TRAF3: variants seen among roughly 807,000 people sequenced by gnomAD.
TRAF3 encodes TNF receptor associated factor 3.
A neutral mutation model predicts 62.3 loss-of-function variants in TRAF3; 13 were observed. That is an observed-to-expected ratio of 0.21 (90% CI 0.14 to 0.33). The LOEUF (loss-of-function observed/expected upper bound fraction) is 0.33, where lower values mean the gene tolerates loss of function less well. Among genes scored for constraint, TRAF3 ranks in the 10% least tolerant of loss-of-function variants. TRAF3 has a pLI of 1.00. For missense variants in TRAF3, 440 were observed against 741.8 expected, an observed-to-expected ratio of 0.59 and a Z score of 4.73; for synonymous variants, 269 against 283.4, an observed-to-expected ratio of 0.95 and a Z score of 0.51.
chr14:102,848,384 A>T (rs1194524165), intron 2 of TRAF3, among the ~76,000 whole-genome samples: 1 of 152,240 alleles, frequency 6.6e-6, no homozygotes. Context: ...AGCTAGGATC[A>T]TGCCACTGCT....
At chr14:102,881,104 C>A (rs372809322) in intron 6 of TRAF3, among the ~76,000 whole-genome samples, 1 of 151,982 alleles carries the variant, frequency 6.6e-6, no homozygotes, top group Non-Finnish European at 1.5e-5. Context: ...AAAGATCTGC[C>A]GGTCACGGTG....
chr14:102,786,933 A>G (rs545064729), intron 1 of TRAF3, among the ~76,000 whole-genome samples: 140 of 151,880 alleles, frequency 9.2e-4, no homozygotes, highest in Non-Finnish European at 1.8e-3. Flanking sequence ...GGTCGAGGCT[A>G]CAGTGAGGTG....
chr14:102,827,692 A>G (rs1056296479), intron 1 of TRAF3, among the ~76,000 whole-genome samples: 9 of 152,210 alleles, frequency 5.9e-5, no homozygotes, highest in African/African-American at 2.2e-4. Flanking sequence ...AGTGCTCACT[A>G]AACTTAGTAT....
At chr14:102,887,640 G>A (rs1889470437) in intron 7 of TRAF3, among the ~76,000 whole-genome samples, 1 of 152,064 alleles carries the variant, frequency 6.6e-6, no homozygotes, top group Admixed American at 6.5e-5. Flanking sequence ...TGTCACTCAG[G>A]CTGGAGTGCA....
chr14:102,868,604 A>G (rs1303707529), intron 2 of TRAF3, among the ~76,000 whole-genome samples: 1 of 152,238 alleles, frequency 6.6e-6, no homozygotes, highest in East Asian at 1.9e-4. Context: ...GACATTCCCA[A>G]GGTTTTTTTC....
rs182759583 is a variant in TRAF3, at chr14:102,870,666, G to A, written c.245+220G>A. Among the ~76,000 whole-genome samples the A allele has an allele frequency of 6.3e-3, 964 of 152,282 alleles. 9 individuals carry two copies. The highest frequency in any genetic ancestry group is 9.9e-3 in the Admixed American group (152 of 15,300). ...TGCGTGTCTCTGACCTGCCCCGCCC[G>A]TGTCTTCCCACTCCGTCTGTAGAGC... On this transcript the variant is annotated intron_variant, in intron 3 of 11. Transcript: ENST00000392745.
At chr14:102,853,817 G>A (rs1012804743) in intron 2 of TRAF3, among the ~76,000 whole-genome samples, 5 of 146,574 alleles carry the variant, frequency 3.4e-5, no homozygotes, top group Non-Finnish European at 7.4e-5. Flanking sequence ...TAGCCTGGGC[G>A]ACAGAGGCAA....
intron 2 of TRAF3, among the ~76,000 whole-genome samples, chr14:102,856,756 T>G (rs1887396625): frequency 6.6e-6 from 1 of 152,128 alleles, no homozygotes; most frequent in African/African-American, 2.4e-5. Flanking sequence ...CCCTTAATCC[T>G]AACAGTCGTA....
chr14:102,824,049 A>G (rs1217360503), intron 1 of TRAF3, among the ~76,000 whole-genome samples: 1 of 152,172 alleles, frequency 6.6e-6, no homozygotes, highest in Non-Finnish European at 1.5e-5. Flanking sequence ...CTGTTGTGTG[A>G]TAGCGCTGCT....
intron 1 of TRAF3, among the ~76,000 whole-genome samples, chr14:102,817,462 C>A (rs1286552448): frequency 6.6e-6 from 1 of 151,902 alleles, no homozygotes; most frequent in African/African-American, 2.4e-5. Flanking sequence ...GCAGGGTGTT[C>A]AGGAGGGAGG....
intron 2 of TRAF3, among the ~76,000 whole-genome samples, chr14:102,845,448 C>A (rs1449393915): frequency 6.6e-6 from 1 of 151,916 alleles, no homozygotes; most frequent in African/African-American, 2.4e-5. Context: ...GGTGATCTGC[C>A]CACCTCAGTC....
intron 9 of TRAF3, among the ~76,000 whole-genome samples, chr14:102,896,131 C>T (rs764409698): frequency 6.6e-6 from 1 of 152,122 alleles, no homozygotes; most frequent in African/African-American, 2.4e-5. Context: ...ATAATTAAAT[C>T]GAGCTAATTA....
At chr14:102,820,022 C>T (rs1396601989) in intron 1 of TRAF3, among the ~76,000 whole-genome samples, 1 of 152,220 alleles carries the variant, frequency 6.6e-6, no homozygotes, top group Non-Finnish European at 1.5e-5. Flanking sequence ...ATCACGCCTG[C>T]CCTCCCGTGT....
At chr14:102,896,938 T>C (rs1890037130) in intron 9 of TRAF3, among the ~76,000 whole-genome samples, 1 of 152,162 alleles carries the variant, frequency 6.6e-6, no homozygotes, top group Non-Finnish European at 1.5e-5. Flanking sequence ...GACATGGTGG[T>C]GGCATGTACC....
intron 1 of TRAF3, among the ~76,000 whole-genome samples, chr14:102,802,929 C>A (rs1052856178): frequency 6.6e-6 from 1 of 152,150 alleles, no homozygotes; most frequent in East Asian, 1.9e-4. Flanking sequence ...AGGAAACTTA[C>A]AATCATGGTG....
chr14:102,871,857 CCTGAGT>C, intron 3 of TRAF3, 54 bp from the exon 4 acceptor site: 1 of 1,526,590 alleles, frequency 6.6e-7, no homozygotes, highest in South Asian at 1.1e-5. Context: ...CCCAGAATCT[CCTGAGT>C]CCTCTCAAGA....
At chr14:102,870,876 A>G (rs1888301568) in intron 3 of TRAF3, among the ~76,000 whole-genome samples, 2 of 152,042 alleles carry the variant, frequency 1.3e-5, no homozygotes, top group Admixed American at 6.5e-5. Flanking sequence ...CCGAGCAGAA[A>G]CCTAGGCCGC....
At chr14:102,834,644 C>T (rs796200305) in intron 2 of TRAF3, among the ~76,000 whole-genome samples, 18 of 140,420 alleles carry the variant, frequency 1.3e-4, no homozygotes, top group African/African-American at 4.8e-4. Context: ...GCCGAGACTG[C>T]GCCACTGCAC....
intron 1 of TRAF3, among the ~76,000 whole-genome samples, chr14:102,795,100 C>T (rs1182504300): frequency 6.6e-6 from 1 of 152,124 alleles, no homozygotes; most frequent in African/African-American, 2.4e-5. Context: ...TAGTAAATCC[C>T]CTAGAGACAG....
Sources: allele counts gnomAD v4.1 joint callset (sites outside exome capture counted in the v4.1 genomes callset), GRCh38; gene constraint gnomAD v4.1.1; transcripts MANE v1.5; gene names NCBI Gene and HGNC (gene_info 2026-07-23, HGNC 2026-07-21).